ANTXR2: variants seen among roughly 807,000 people sequenced by gnomAD.
ANTXR2 encodes ANTXR cell adhesion molecule 2, also known as anthrax toxin receptor 2.
In ANTXR2, 44 loss-of-function variants were observed where a neutral mutation model predicts 73.7. That is an observed-to-expected ratio of 0.60 (90% confidence interval 0.47 to 0.77). The LOEUF (loss-of-function observed/expected upper bound fraction) is 0.77, where lower values mean the gene tolerates loss of function less well. ANTXR2 is among the 30% of genes least tolerant of loss of function. The pLI is 0.00. For synonymous variants in ANTXR2, 217 were observed against 205.9 expected (o/e 1.05, Z -0.46); for missense variants, 604 against 592.5 (o/e 1.02, Z -0.20).
chr4:79,996,776 C>T (rs1426450186), intron 12 of ANTXR2, among the ~76,000 whole-genome samples: 1 of 151,938 alleles, frequency 6.6e-6, no homozygotes, highest in Admixed American at 6.6e-5. Flanking sequence ...TGCAAGAATA[C>T]ACATTCATTT....
chr4:79,973,034 A>G lies in ANTXR2; in HGVS notation c.1428+4587T>C, dbSNP rs375931508. Among the ~76,000 whole-genome samples, 37 of 152,314 alleles carry G rather than the reference A, an allele frequency of 2.4e-4. No homozygotes were observed. In the East Asian group the frequency reaches 4.8e-3, roughly 20 times the overall value. ...AACTAGTATAAGAAATTGTCAAAACAAAGTGAAAGCATAGTGGAAATAAAT... is the reference window on the plus strand; with the variant it reads ...AACTAGTATAAGAAATTGTCAAAACGAAGTGAAAGCATAGTGGAAATAAAT... On this transcript the variant is annotated intron_variant, in intron 16 of 16. Coordinates refer to ENST00000403729, the MANE Select transcript of ANTXR2 (RefSeq NM_058172.6).
intron 16 of ANTXR2, among the ~76,000 whole-genome samples, chr4:79,907,755 C>A: frequency 6.6e-6 from 1 of 152,032 alleles, no homozygotes; most frequent in East Asian, 1.9e-4. Flanking sequence ...CTATCACGGC[C>A]ATAAAAATAT....
chr4:79,963,040 G>C (rs6838578), intron 16 of ANTXR2, among the ~76,000 whole-genome samples: 16,103 of 152,126 alleles, frequency 0.11, 2,764 homozygotes, highest in African/African-American at 0.36. Flanking sequence ...CATAATGGCA[G>C]TGTGATGCAG....
intron 3 of ANTXR2, 115 bp downstream of exon 3, chr4:80,069,321 G>C: frequency 5.0e-6 from 4 of 792,776 alleles, no homozygotes; most frequent in Non-Finnish European, 8.4e-6. Flanking sequence ...GAACTGAATT[G>C]TCTGTGCATC....
chr4:80,055,608 T>C (rs1733958827), intron 4 of ANTXR2, 141 bp from the exon 5 acceptor site: 2 of 721,884 alleles, frequency 2.8e-6, no homozygotes, highest in Admixed American at 5.3e-5. Flanking sequence ...GTGTTAACTA[T>C]TTTATTTGAA....
At chr4:80,067,483 A>T (rs962347740) in intron 3 of ANTXR2, among the ~76,000 whole-genome samples, 2 of 152,228 alleles carry the variant, frequency 1.3e-5, no homozygotes, top group African/African-American at 4.8e-5. Context: ...GCATGATGCT[A>T]AGTGTTTTTC....
At chr4:79,959,222 T>C (rs969990036) in intron 16 of ANTXR2, among the ~76,000 whole-genome samples, 2 of 152,078 alleles carry the variant, frequency 1.3e-5, no homozygotes. Context: ...TGACTAATTT[T>C]AGCCCCTTAT....
chr4:79,976,693 G>A (rs887216000), intron 16 of ANTXR2, among the ~76,000 whole-genome samples: 3 of 152,156 alleles, frequency 2.0e-5, no homozygotes, highest in South Asian at 2.1e-4. Flanking sequence ...ATGCACTGTC[G>A]CTTCAACAAA....
At chr4:80,014,743 G>T (rs1286720533) in intron 11 of ANTXR2, among the ~76,000 whole-genome samples, 7 of 152,112 alleles carry the variant, frequency 4.6e-5, no homozygotes, top group African/African-American at 1.4e-4. Context: ...GGGAGATAGT[G>T]CCCCTATCAC....
In ANTXR2 at chr4:79,976,708, G is replaced by T. The variant is rs191771553; in HGVS notation, c.1428+913C>A. On this transcript the variant is annotated intron_variant, in intron 16 of 16. Transcript: ENST00000403729. ...ATGCACTGTCGCTTCAACAAAAGTT[G>T]CTAACACCTCTGGCTTACCCTTGAA... 1.5e-3 allele frequency among the ~76,000 whole-genome samples: 223 copies of T among 152,316 alleles called. 1 individual carries two copies. Among genetic ancestry groups the T allele is most frequent in the Admixed American group, 3.4e-3 (52 of 15,294 alleles).
intron 10 of ANTXR2, 27 bp from the exon 11 acceptor site, chr4:80,019,003 T>G (rs1318172927): frequency 7.2e-6 from 10 of 1,392,580 alleles, no homozygotes; most frequent in African/African-American, 1.5e-5. Context: ...ACAATAATTT[T>G]ATATACATTT....
intron 10 of ANTXR2, among the ~76,000 whole-genome samples, chr4:80,028,574 G>A (rs1466979075): frequency 6.6e-6 from 1 of 152,130 alleles, no homozygotes; most frequent in Non-Finnish European, 1.5e-5. Context: ...TCACCAGCAT[G>A]TTGTTAATTA....
chr4:80,067,651 A>G (rs1734568774), intron 3 of ANTXR2, among the ~76,000 whole-genome samples: 1 of 151,928 alleles, frequency 6.6e-6, no homozygotes, highest in Non-Finnish European at 1.5e-5. Context: ...GCTGCCATAC[A>G]CGGGTTGTGG....
At chr4:80,019,811 G>T (rs887307268) in intron 10 of ANTXR2, among the ~76,000 whole-genome samples, 1 of 152,086 alleles carries the variant, frequency 6.6e-6, no homozygotes, top group Non-Finnish European at 1.5e-5. Context: ...AATAATTTTT[G>T]TCCCTGGCTA....
intron 12 of ANTXR2, among the ~76,000 whole-genome samples, chr4:79,986,556 G>T (rs1389204252): frequency 6.6e-6 from 1 of 152,126 alleles, no homozygotes; most frequent in Non-Finnish European, 1.5e-5. Flanking sequence ...TACAGATAAA[G>T]AAAGATTGAC....
In ANTXR2 at chr4:80,072,436, GCTCTT is replaced by G; in HGVS notation, c.120_124del (p.Arg40SerfsTer3). 1 of 1,606,994 alleles carries G rather than the reference GCTCTT, an allele frequency of 6.2e-7. No homozygotes were observed. Among genetic ancestry groups the G allele is most frequent in the South Asian group, 1.1e-5 (1 of 90,082 alleles). ...GTCCAGGACGAAGTAGAGATCAAAGGCTCTTCTGCAGGAGGGCTGCTCCTGGGCGC... is the reference window on the plus strand; with the variant it reads ...GTCCAGGACGAAGTAGAGATCAAAGGCTGCAGGAGGGCTGCTCCTGGGCGC... On this transcript the variant is annotated frameshift_variant, in exon 1 of 17. Coordinates refer to ENST00000403729, the MANE Select transcript of ANTXR2 (RefSeq NM_058172.6). LOFTEE classifies it high-confidence loss of function.
At chr4:79,914,814 C>T (rs2109933901) in intron 16 of ANTXR2, among the ~76,000 whole-genome samples, 1 of 152,214 alleles carries the variant, frequency 6.6e-6, no homozygotes, top group Non-Finnish European at 1.5e-5. Flanking sequence ...ATTTTCTTTG[C>T]CTGCTAGGCA....
At chr4:80,057,540 T>C (rs1237925534) in intron 3 of ANTXR2, among the ~76,000 whole-genome samples, 1 of 151,946 alleles carries the variant, frequency 6.6e-6, no homozygotes, top group Non-Finnish European at 1.5e-5. Flanking sequence ...CCCTAATCCT[T>C]CTCTTTCCTG....
At position 80,009,878 on chromosome 4, in the gene ANTXR2, A is replaced by C. The variant is rs1731486942; in HGVS notation, c.946-1262T>G. ...AAAAAAAAGAAAGAAAGAAAGAAAA[A>C]ACTACTTACTGAAAGAATGAACTCT... On this transcript the variant is annotated intron_variant, in intron 11 of 16. Coordinates refer to ENST00000403729, the MANE Select transcript of ANTXR2 (RefSeq NM_058172.6). 4.0e-5 allele frequency among the ~76,000 whole-genome samples: 6 copies of C among 151,496 alleles called. No individual in the cohort carries two copies. The South Asian group carries it at 1.2e-3, about 32-fold the overall frequency.
Sources: allele counts gnomAD v4.1 joint callset (sites outside exome capture counted in the v4.1 genomes callset), GRCh38; gene constraint gnomAD v4.1.1; transcripts MANE v1.5; gene names NCBI Gene and HGNC (gene_info 2026-07-23, HGNC 2026-07-21).